TNXB: variants seen among roughly 807,000 people sequenced by gnomAD.
TNXB encodes tenascin-X.
A neutral mutation model predicts 340.5 loss-of-function variants in TNXB; 183 were observed. The observed-to-expected ratio is 0.54, with a 90% confidence interval of 0.48 to 0.61. The LOEUF is 0.61. Among genes scored for constraint, TNXB ranks in the 20% least tolerant of loss-of-function variants. The probability of loss-of-function intolerance (pLI) is 0.00; values close to 1 mark genes in which losing one functional copy is unlikely to be tolerated. For missense variants in TNXB, 4,613 were observed against 5,446.4 expected (o/e 0.85, Z 4.82); for synonymous variants, 2,121 against 2,314.5 (o/e 0.92, Z 2.40).
chr6:32,108,168 G>C lies in TNXB; in HGVS notation c.-9+1013C>G, dbSNP rs1362193003. Among the ~76,000 whole-genome samples, 1 of 152,178 alleles carries C rather than the reference G, an allele frequency of 6.6e-6. No homozygotes were observed. Among genetic ancestry groups the C allele is most frequent in the Non-Finnish European group, 1.5e-5 (1 of 68,028 alleles). On this transcript the variant is annotated intron_variant, in intron 1 of 43. Transcript: ENST00000644971. This position sits in a 1 kb window ranked among gnomAD's most constrained non-coding sequence, Gnocchi z 4.8. ...CCCAGGGACTTGAAGGCAGGGTCAGGGAAAAGAGGAGGGGCTGGAGATGCG... is the reference window on the plus strand; with the variant it reads ...CCCAGGGACTTGAAGGCAGGGTCAGCGAAAAGAGGAGGGGCTGGAGATGCG...
At position 32,052,687 on chromosome 6, in the gene TNXB, G is replaced by T; in HGVS notation, c.9098C>A (p.Ser3033Tyr). The change falls in exon 26 of 44, where the codon TCC becomes TAC. Residue 3033 changes from serine (S) to tyrosine (Y), a missense_variant. Coordinates refer to ENST00000644971, the MANE Select transcript of TNXB (RefSeq NM_001365276.2). The surrounding 1 kb of genome is among the most constrained non-coding windows in gnomAD (Gnocchi z 4.7). ...TTACTCACCTGTCACACCCACAGCG[G>T]ACACTGGGCCCACGCGCTGCCCCTC... The part of the protein sequence containing the change: ...LHEGQRVGPV[S>Y]AVGVTAPKDE... 6.2e-7 allele frequency: 1 copy of T among 1,613,244 alleles called. No individual in the cohort carries two copies. Among genetic ancestry groups the T allele is most frequent in the South Asian group, 1.1e-5 (1 of 91,076 alleles).
In TNXB at chr6:32,049,606, G is replaced by A. The variant is rs777035949; in HGVS notation, c.9440-19C>T. The A allele has an allele frequency of 9.3e-6, 15 of 1,604,308 alleles. No homozygotes were observed. The highest frequency in any genetic ancestry group is 2.2e-5 in the South Asian group (2 of 90,852). ...TCTTCCTCTGCAGTGGAGAAGGAGG[G>A]AGAGAGAGTGAGGGGGATGTCCTTG... On this transcript the variant is annotated intron_variant, in intron 27 of 43. Coordinates refer to ENST00000644971, the MANE Select transcript of TNXB (RefSeq NM_001365276.2). The surrounding 1 kb of genome is among the most constrained non-coding windows in gnomAD (Gnocchi z 4.5).
At position 32,089,159 on chromosome 6, in the gene TNXB, G is replaced by T; in HGVS notation, c.2515+64C>A. ...CCCCTTCCTTCTGCCCTCCCGGAGG[G>T]CAGATTCCCTCTCTAGTCCAGATCT... On this transcript the variant is annotated intron_variant, in intron 5 of 43. Coordinates refer to ENST00000644971, the MANE Select transcript of TNXB (RefSeq NM_001365276.2). This position sits in a 1 kb window ranked among gnomAD's most constrained non-coding sequence, Gnocchi z 6.2. The T allele has an allele frequency of 1.3e-6, 2 of 1,564,980 alleles. No individual in the cohort carries two copies. Among genetic ancestry groups the T allele is most frequent in the Non-Finnish European group, 1.7e-6 (2 of 1,154,460 alleles).
Position 32,046,553 on chromosome 6 carries a change from TCCAGTGTAGCC to T in TNXB, c.10325-108_10325-98del. 1 of 1,138,406 alleles carries T rather than the reference TCCAGTGTAGCC, an allele frequency of 8.8e-7. No homozygotes were observed. Among genetic ancestry groups the T allele is most frequent in the Non-Finnish European group, 1.2e-6 (1 of 832,806 alleles). 70.5% of individuals were successfully genotyped at this position (1,138,406 alleles called of 1,614,324 possible). On this transcript the variant is annotated intron_variant, in intron 30 of 43. Coordinates refer to ENST00000644971, the MANE Select transcript of TNXB (RefSeq NM_001365276.2). This position sits in a 1 kb window ranked among gnomAD's most constrained non-coding sequence, Gnocchi z 6.9. Reference sequence around the variant, plus strand: ...GTGTGAGGTTCTGGGAAATGGTCCCTCCAGTGTAGCCCCAGGGACAGCTCCTTGAGGAGACA... The same window carrying T: ...GTGTGAGGTTCTGGGAAATGGTCCCTCCAGGGACAGCTCCTTGAGGAGACA...
intron 1 of TNXB, among the ~76,000 whole-genome samples, chr6:32,107,114 T>C (rs1781023624): frequency 6.6e-6 from 1 of 152,318 alleles, no homozygotes; most frequent in South Asian, 2.1e-4. Flanking sequence ...ACCTGGATGG[T>C]GTGAGAGGAA....
At chr6:32,044,926 T>C in intron 32 of TNXB, 80 bp downstream of exon 32, 5 of 1,289,372 alleles carry the variant, frequency 3.9e-6, no homozygotes, top group Non-Finnish European at 5.5e-6. Flanking sequence ...CCTCACGCTC[T>C]TTCCCTGCGA....
At position 32,072,815 on chromosome 6, in the gene TNXB, G is replaced by A. The variant is rs1407012111; in HGVS notation, c.4682-517C>T. On this transcript the variant is annotated intron_variant, in intron 12 of 43. Transcript: ENST00000644971. The surrounding 1 kb of genome is among the most constrained non-coding windows in gnomAD (Gnocchi z 4.4). Reference sequence around the variant, plus strand: ...AAATACAAAAAATTAGCTGGGTGTGGTGGCACGTGCCCGTAATCCCAGTTA... The same window carrying A: ...AAATACAAAAAATTAGCTGGGTGTGATGGCACGTGCCCGTAATCCCAGTTA... Among the ~76,000 whole-genome samples the A allele has an allele frequency of 6.6e-6, 1 of 152,194 alleles. No individual in the cohort carries two copies. Among genetic ancestry groups the A allele is most frequent in the East Asian group, 1.9e-4 (1 of 5,194 alleles).
In TNXB at chr6:32,078,888, C is replaced by T. The variant is rs553857631; in HGVS notation, c.4375+145G>A. 49 of 869,506 alleles carry T rather than the reference C, an allele frequency of 5.6e-5. 1 individual carries two copies. Among genetic ancestry groups the T allele is most frequent in the East Asian group, 4.9e-4 (18 of 36,936 alleles). The allele number at this position is 869,506 out of a possible 1,614,324, so 53.9% of individuals were successfully genotyped here. On this transcript the variant is annotated intron_variant, in intron 11 of 43. Coordinates refer to ENST00000644971, the MANE Select transcript of TNXB (RefSeq NM_001365276.2). ...CAGGGCCATGAAAGCTGGTGGTACG[C>T]CAGTCCCCAGTGACATGCTCTTTCT...
At chr6:32,102,671 C>T (rs1056110025) in intron 1 of TNXB, among the ~76,000 whole-genome samples, 4 of 152,132 alleles carry the variant, frequency 2.6e-5, no homozygotes, top group African/African-American at 7.2e-5. Flanking sequence ...CCTGTAATCC[C>T]GGCACTTTGG....
At position 32,061,040 on chromosome 6, in the gene TNXB, T is replaced by C. The variant is rs1777974237; in HGVS notation, c.7492+357A>G. On this transcript the variant is annotated intron_variant, in intron 21 of 43. Coordinates refer to ENST00000644971, the MANE Select transcript of TNXB (RefSeq NM_001365276.2). This position sits in a 1 kb window ranked among gnomAD's most constrained non-coding sequence, Gnocchi z 4.4. ...CTTTTTATAGATGTTGCCTAAATTA[T>C]TTAGTCATCCCAACGTGGTTTGACG... 6.6e-6 allele frequency among the ~76,000 whole-genome samples: 1 copy of C among 152,012 alleles called. No homozygotes were observed. The highest frequency in any genetic ancestry group is 6.5e-5 in the Admixed American group (1 of 15,280).
At chr6:32,057,180 C>T (rs1219843150) in intron 22 of TNXB, among the ~76,000 whole-genome samples, 4 of 151,986 alleles carry the variant, frequency 2.6e-5, no homozygotes, top group African/African-American at 4.8e-5. Flanking sequence ...CAGCCCCACT[C>T]GGCCTCTGCA....
At chr6:32,094,463 C>T (rs962540171) in intron 4 of TNXB, among the ~76,000 whole-genome samples, 13 of 152,098 alleles carry the variant, frequency 8.5e-5, no homozygotes, top group African/African-American at 2.7e-4. Context: ...TGTGTGACTA[C>T]AAATTGCTAT....
At chr6:32,101,248 C>T (rs980609638) in intron 1 of TNXB, among the ~76,000 whole-genome samples, 2 of 152,182 alleles carry the variant, frequency 1.3e-5, no homozygotes, top group Non-Finnish European at 2.9e-5. Flanking sequence ...TCTCCTACCT[C>T]AGCCTCTGGA....
intron 21 of TNXB, among the ~76,000 whole-genome samples, chr6:32,059,669 A>T (rs116735820): frequency 0.017 from 2,548 of 151,888 alleles, 60 homozygotes; most frequent in African/African-American, 0.039. Flanking sequence ...TAATTTCCCT[A>T]TTCCCCCTGT....
chr6:32,084,487 C>A lies in TNXB; in HGVS notation c.3371G>T (p.Arg1124Leu). 1 of 1,608,362 alleles carries A rather than the reference C, an allele frequency of 6.2e-7. No homozygotes were observed. Among genetic ancestry groups the A allele is most frequent in the Non-Finnish European group, 8.5e-7 (1 of 1,178,268 alleles). The part of the protein sequence containing the change: ...SAVITSLDPG[R>L]KYKFVLYGFV... ...CCCATACAGGACAAATTTGTACTTGCGGCCAGGATCCAGGGAGGTGATGAC... is the reference window on the plus strand; with the variant it reads ...CCCATACAGGACAAATTTGTACTTGAGGCCAGGATCCAGGGAGGTGATGAC... The change falls in exon 8 of 44, where the codon CGC (arginine) becomes CTC (leucine). Residue 1124 changes from arginine (R) to leucine (L), a missense_variant. By Grantham distance (102) the Arg-to-Leu change is moderately radical (BLOSUM62 -2). Around this residue, in one of 7 missense-constraint regions of TNXB, gnomAD observed 4,327 missense variants for 4,859.4 expected, o/e 0.89. Transcript: ENST00000644971. The surrounding 1 kb of genome is among the most constrained non-coding windows in gnomAD (Gnocchi z 5.5).
rs1231723925 is a variant in TNXB at position 32,108,493 on chromosome 6, C to T, written c.-9+688G>A. ...CTCAGCCATCCCAGCCCTGCTGAAC[C>T]GTGAGTCATGAGTGCAGAGCTCTGG... On this transcript the variant is annotated intron_variant, in intron 1 of 43. Coordinates refer to ENST00000644971, the MANE Select transcript of TNXB (RefSeq NM_001365276.2). This position sits in a 1 kb window ranked among gnomAD's most constrained non-coding sequence, Gnocchi z 4.8. Among the ~76,000 whole-genome samples, 1 of 152,026 alleles carries T rather than the reference C, an allele frequency of 6.6e-6. No individual in the cohort carries two copies. Among genetic ancestry groups the T allele is most frequent in the African/African-American group, 2.4e-5 (1 of 41,362 alleles).
At position 32,095,169 on chromosome 6, in the gene TNXB, C is replaced by T. The variant is rs764056769; in HGVS notation, c.2265G>A (p.Met755Ile). ...TTGTCTCCTCCAAGAGATGCATCCT[C>T]ATGCCCTCAATGGTTGGCACCTCTG... The part of the protein sequence containing the change: ...CGEEVPTIEG[M>I]RMHLLEETTV... The change falls in exon 4 of 44, where the codon ATG becomes ATA. Residue 755 changes from methionine (M) to isoleucine (I), a missense_variant. Physicochemically the swap from Met to Ile is conservative, Grantham distance 10 (BLOSUM62 1). Coordinates refer to ENST00000644971, the MANE Select transcript of TNXB (RefSeq NM_001365276.2). 3.2e-6 allele frequency: 5 copies of T among 1,550,160 alleles called. No homozygotes were observed. The highest frequency in any genetic ancestry group is 4.4e-6 in the Non-Finnish European group (5 of 1,146,344).
rs541558479 is a variant in TNXB at position 32,068,071 on chromosome 6, G to A, written c.6221-87C>T. 17 of 1,518,440 alleles carry A rather than the reference G, an allele frequency of 1.1e-5. No homozygotes were observed. The highest frequency in any genetic ancestry group is 9.6e-5 in the African/African-American group (7 of 73,008). 94.1% of individuals were successfully genotyped at this position (1,518,440 alleles called of 1,614,324 possible). On this transcript the variant is annotated intron_variant, in intron 17 of 43. Transcript: ENST00000644971. This position sits in a 1 kb window ranked among gnomAD's most constrained non-coding sequence, Gnocchi z 5.3. Reference sequence around the variant, plus strand: ...AGCCAAGGCTATGACTGGGGGACCCGAGGTCAGTTCAGAGAGGCCTACTCT... The same window carrying A: ...AGCCAAGGCTATGACTGGGGGACCCAAGGTCAGTTCAGAGAGGCCTACTCT...
rs1264174525 is a variant in TNXB, at chr6:32,080,632, G to A, written c.4042+736C>T. On this transcript the variant is annotated intron_variant, in intron 10 of 43. Transcript: ENST00000644971. The surrounding 1 kb of genome is among the most constrained non-coding windows in gnomAD (Gnocchi z 4.3). ...CAGAGAGGTTAAGCAATTTGCACAAGGTCCTACAGGAAGTAAGTTGCAAGG... is the reference window on the plus strand; with the variant it reads ...CAGAGAGGTTAAGCAATTTGCACAAAGTCCTACAGGAAGTAAGTTGCAAGG... 6.6e-6 allele frequency among the ~76,000 whole-genome samples: 1 copy of A among 152,228 alleles called. No homozygotes were observed. The highest frequency in any genetic ancestry group is 1.9e-4 in the East Asian group (1 of 5,204).
Sources: gnomAD v4.1 joint callset for allele counts (sites outside exome capture counted in the v4.1 genomes callset) on GRCh38, gnomAD v4.1.1 for gene constraint, gnomAD v4.1.1 regional missense constraint, Gnocchi (gnomAD v3.1) non-coding constraint, MANE v1.5 for transcripts, NCBI Gene and HGNC (gene_info 2026-07-23, HGNC 2026-07-21) for gene names.